OMA1: variants seen among roughly 807,000 people sequenced by gnomAD.
OMA1 encodes OMA1 zinc metallopeptidase.
Under a neutral mutation model 30.9 loss-of-function variants are expected in OMA1, and 38 were observed. The observed-to-expected ratio is 1.23, with a 90% CI of 0.95 to 1.61. The LOEUF (loss-of-function observed/expected upper bound fraction) is 1.61. Among genes scored for constraint, OMA1 ranks in the 40% most tolerant of loss-of-function variants. The probability of loss-of-function intolerance (pLI) is 0.00; values close to 1 mark genes in which losing one functional copy is unlikely to be tolerated. For synonymous variants in OMA1, 173 were observed against 121.9 expected, an observed-to-expected ratio of 1.42 and a Z score of -2.76; for missense variants, 461 against 349.2, an observed-to-expected ratio of 1.32 and a Z score of -2.55.
At chr1:58,497,471 T>G (rs545365545) in intron 8 of OMA1, among the ~76,000 whole-genome samples, 2 of 152,142 alleles carry the variant, frequency 1.3e-5, no homozygotes, top group Non-Finnish European at 2.9e-5. Flanking sequence ...CATACTAAAG[T>G]TGATGGAGTT....
At chr1:58,494,378 A>G (rs1383017000) in intron 8 of OMA1, among the ~76,000 whole-genome samples, 1 of 152,112 alleles carries the variant, frequency 6.6e-6, no homozygotes, top group African/African-American at 2.4e-5. Context: ...CATGTCTAAA[A>G]CACCAAAAGC....
chr1:58,526,016 T>C (rs1426212450), intron 7 of OMA1, among the ~76,000 whole-genome samples: 3 of 152,094 alleles, frequency 2.0e-5, no homozygotes, highest in African/African-American at 7.2e-5. Context: ...AAAAAGATGT[T>C]GCCCTCTTCC....
At chr1:58,519,960 G>A (rs895131416) in intron 7 of OMA1, among the ~76,000 whole-genome samples, 4 of 148,962 alleles carry the variant, frequency 2.7e-5, no homozygotes, top group African/African-American at 5.1e-5. Context: ...GATAGGTAGT[G>A]GAAAACACAT....
At chr1:58,523,770 G>C (rs1002131148) in intron 7 of OMA1, among the ~76,000 whole-genome samples, 1 of 152,052 alleles carries the variant, frequency 6.6e-6, no homozygotes, top group African/African-American at 2.4e-5. Flanking sequence ...ATGGTGGTGG[G>C]TGCCTGTAAT....
intron 8 of OMA1, among the ~76,000 whole-genome samples, chr1:58,495,416 T>C (rs1321166961): frequency 6.6e-6 from 1 of 151,736 alleles, no homozygotes; most frequent in African/African-American, 2.4e-5. Context: ...ACTTAAAGTA[T>C]AATAATAATA....
chr1:58,513,223 G>GCTCT (rs1646108718), intron 7 of OMA1, among the ~76,000 whole-genome samples: 1 of 152,046 alleles, frequency 6.6e-6, no homozygotes, highest in African/African-American at 2.4e-5. Flanking sequence ...AGTTTTCCCT[G>GCTCT]CTCTTACACA....
chr1:58,533,915 A>C lies in OMA1; in HGVS notation c.1011+38T>G, dbSNP rs1646475770. ...AGATTTAACTTGTTAACTTCAAAGC[A>C]GTTTTTCCAAACCTGAACATTCATT... On this transcript the variant is annotated intron_variant, in intron 5 of 8. Transcript: ENST00000371226. The C allele has an allele frequency of 3.5e-6, 3 of 855,064 alleles. No homozygotes were observed. In the South Asian group the frequency reaches 4.0e-5, roughly 11 times the overall value. 53.0% of individuals were successfully genotyped at this position (855,064 alleles called of 1,614,324 possible).
intron 1 of OMA1, among the ~76,000 whole-genome samples, chr1:58,541,149 G>C (rs145052879): frequency 0.14 from 20,361 of 150,386 alleles, 1,513 homozygotes; most frequent in African/African-American, 0.2. Context: ...CAAAAATTAG[G>C]CAGGTGTGGT....
chr1:58,481,968 G>T (rs1645493174), intron 8 of OMA1, among the ~76,000 whole-genome samples: 1 of 152,168 alleles, frequency 6.6e-6, no homozygotes, highest in African/African-American at 2.4e-5. Flanking sequence ...TTAGCAGCAT[G>T]AGAATGGACT....
At chr1:58,526,239 A>G (rs76818407) in intron 7 of OMA1, among the ~76,000 whole-genome samples, 2,513 of 152,158 alleles carry the variant, frequency 0.017, 55 homozygotes, top group East Asian at 0.12. Flanking sequence ...GCAGTCTGAT[A>G]ATTCACTTAA....
Position 58,480,860 on chromosome 1 carries a change from G to C in OMA1, c.*105C>G, listed in dbSNP as rs1645467500. ...TCTGTAATGTACATGATTTGACCCT[G>C]AATATCCTTTTTTTTTTCACTTCAA... On this transcript the variant is annotated 3_prime_UTR_variant, in exon 9 of 9. Coordinates refer to ENST00000371226, the MANE Select transcript of OMA1 (RefSeq NM_145243.5). The C allele has an allele frequency of 1.6e-5, 11 of 672,014 alleles. No homozygotes were observed. The South Asian group carries it at 2.3e-4, about 14-fold the overall frequency. The allele number at this position is 672,014 out of a possible 1,614,324, so 41.6% of individuals were successfully genotyped here.
chr1:58,500,458 C>T (rs1362915619), intron 8 of OMA1, among the ~76,000 whole-genome samples: 5 of 152,066 alleles, frequency 3.3e-5, no homozygotes, highest in Non-Finnish European at 7.4e-5. Flanking sequence ...CAATTATAAA[C>T]GTGTAAGAAT....
At chr1:58,531,842 G>A (rs1646439627) in intron 5 of OMA1, among the ~76,000 whole-genome samples, 1 of 151,946 alleles carries the variant, frequency 6.6e-6, no homozygotes, top group Non-Finnish European at 1.5e-5. Flanking sequence ...CCGAGTACCT[G>A]TGATTACAGG....
At chr1:58,504,683 C>A (rs530663717) in intron 8 of OMA1, among the ~76,000 whole-genome samples, 1 of 152,270 alleles carries the variant, frequency 6.6e-6, no homozygotes, top group East Asian at 1.9e-4. Context: ...CAATAAATAT[C>A]GATCTACCTA....
intron 7 of OMA1, among the ~76,000 whole-genome samples, chr1:58,523,210 C>T (rs1243495927): frequency 6.6e-6 from 1 of 152,056 alleles, no homozygotes; most frequent in African/African-American, 2.4e-5. Flanking sequence ...ATATTGAAAC[C>T]CTTCACTCCC....
At chr1:58,530,913 A>C (rs914600727) in intron 5 of OMA1, among the ~76,000 whole-genome samples, 184 bp from the exon 6 acceptor site, 3 of 152,080 alleles carry the variant, frequency 2.0e-5, no homozygotes, top group African/African-American at 7.2e-5. Flanking sequence ...ATCTACTTAT[A>C]TACCTATTCA....
At chr1:58,524,900 C>T (rs1018735893) in intron 7 of OMA1, among the ~76,000 whole-genome samples, 1 of 152,184 alleles carries the variant, frequency 6.6e-6, no homozygotes, top group Non-Finnish European at 1.5e-5. Context: ...AAGCTGCTCA[C>T]ATGGAGATGA....
intron 7 of OMA1, among the ~76,000 whole-genome samples, chr1:58,526,255 T>G (rs1340133532): frequency 6.6e-6 from 1 of 152,120 alleles, no homozygotes; most frequent in Non-Finnish European, 1.5e-5. Context: ...CTTAATCACA[T>G]TTATTTAACA....
intron 1 of OMA1, among the ~76,000 whole-genome samples, chr1:58,543,548 C>T (rs1169488000): frequency 6.6e-6 from 1 of 152,102 alleles, no homozygotes; most frequent in African/African-American, 2.4e-5. Flanking sequence ...CCACTAACCC[C>T]TCCCACTACA....
Sources: allele counts gnomAD v4.1 joint callset (sites outside exome capture counted in the v4.1 genomes callset), GRCh38; gene constraint gnomAD v4.1.1; transcripts MANE v1.5; gene names NCBI Gene and HGNC (gene_info 2026-07-23, HGNC 2026-07-21).